NREP: variants seen among roughly 807,000 people sequenced by gnomAD.
NREP encodes the protein neuronal regeneration related protein.
In NREP, 5 loss-of-function variants were observed where a neutral mutation model predicts 8.6. The ratio of observed to expected loss-of-function variants is 0.58; its 90% CI spans 0.30 to 1.22. The LOEUF (loss-of-function observed/expected upper bound fraction) is 1.22, where lower values mean the gene tolerates loss of function less well. NREP is among the 50% of genes most tolerant of loss of function. The pLI, the probability that NREP is intolerant of heterozygous loss-of-function variation, is 0.07. For synonymous variants in NREP, 27 were observed against 28.0 expected, an observed-to-expected ratio of 0.96 and a Z score of 0.11; for missense variants, 86 against 82.5, an observed-to-expected ratio of 1.04 and a Z score of -0.17.
chr5:111,936,753 A>G (rs1324071384), intron 2 of NREP, among the ~76,000 whole-genome samples: 3 of 152,076 alleles, frequency 2.0e-5, no homozygotes, highest in Non-Finnish European at 4.4e-5. Context: ...AAACTTGACA[A>G]TTTCTTTTTA....
At chr5:111,821,591 A>T (rs1410984677) in intron 2 of NREP, among the ~76,000 whole-genome samples, 1 of 152,218 alleles carries the variant, frequency 6.6e-6, no homozygotes, top group Non-Finnish European at 1.5e-5. Flanking sequence ...TTCTTGACCA[A>T]AAAAATGCAG....
chr5:111,887,347 A>G (rs1403767081), intron 2 of NREP, among the ~76,000 whole-genome samples: 3 of 152,210 alleles, frequency 2.0e-5, no homozygotes, highest in Non-Finnish European at 4.4e-5. Context: ...GAGGTTGGGT[A>G]AGCGTATTTC....
intron 2 of NREP, among the ~76,000 whole-genome samples, chr5:111,819,128 A>G (rs1752459131): frequency 6.6e-6 from 1 of 152,138 alleles, no homozygotes; most frequent in Non-Finnish European, 1.5e-5. Flanking sequence ...TCAGTAAACA[A>G]CTTTCCCACC....
chr5:111,957,310 T>A (rs1381401983), intron 2 of NREP, among the ~76,000 whole-genome samples: 1 of 151,928 alleles, frequency 6.6e-6, no homozygotes, highest in Non-Finnish European at 1.5e-5. Context: ...AAATGGGAAA[T>A]TTTCTGGAAA....
At chr5:111,884,177 C>T (rs887097775) in intron 2 of NREP, among the ~76,000 whole-genome samples, 2 of 151,668 alleles carry the variant, frequency 1.3e-5, no homozygotes, top group African/African-American at 4.8e-5. Context: ...AAACTACCAT[C>T]AGAGAATACT....
At chr5:111,815,984 T>C (rs1056219434) in intron 2 of NREP, among the ~76,000 whole-genome samples, 5 of 152,106 alleles carry the variant, frequency 3.3e-5, no homozygotes, top group Non-Finnish European at 2.9e-5. Context: ...AAAAGACATA[T>C]GGCTTTCAAA....
At chr5:111,875,437 A>C (rs1753881365) in intron 2 of NREP, among the ~76,000 whole-genome samples, 1 of 152,108 alleles carries the variant, frequency 6.6e-6, no homozygotes, top group Admixed American at 6.6e-5. Context: ...AATAAAATAA[A>C]ATTTGGATAA....
chr5:111,886,005 CA>C (rs1182752720), intron 2 of NREP, among the ~76,000 whole-genome samples: 1 of 152,148 alleles, frequency 6.6e-6, no homozygotes, highest in Non-Finnish European at 1.5e-5. Context: ...TTCTGCACAG[CA>C]AAAGAAACTA....
intron 2 of NREP, among the ~76,000 whole-genome samples, chr5:111,952,639 T>A: frequency 6.6e-6 from 1 of 152,198 alleles, no homozygotes; most frequent in Non-Finnish European, 1.5e-5. Context: ...ACCCAGAGCA[T>A]TGAAATCGCA....
At chr5:111,816,409 T>C (rs1752386728) in intron 2 of NREP, among the ~76,000 whole-genome samples, 1 of 152,120 alleles carries the variant, frequency 6.6e-6, no homozygotes, top group Non-Finnish European at 1.5e-5. Flanking sequence ...TTGTGAGGTT[T>C]AAAACATATA....
upstream of NREP, among the ~76,000 whole-genome samples, chr5:111,759,783 G>C (rs753319680): frequency 2.0e-5 from 3 of 152,156 alleles, no homozygotes; most frequent in Non-Finnish European, 4.4e-5. Flanking sequence ...AGCTATAGCT[G>C]TCTCACAGTC....
chr5:111,965,085 G>A (rs1373459346), intron 2 of NREP, among the ~76,000 whole-genome samples: 1 of 151,714 alleles, frequency 6.6e-6, no homozygotes, highest in Non-Finnish European at 1.5e-5. Flanking sequence ...TTGCTCTCAG[G>A]CCAGGCCCCT....
intron 2 of NREP, among the ~76,000 whole-genome samples, chr5:111,937,635 C>G (rs1405262043): frequency 6.6e-6 from 1 of 152,022 alleles, no homozygotes. Flanking sequence ...AAAATAGAAC[C>G]TTCAGGTAGA....
At chr5:111,752,346 T>G (rs1468170473) in intron 2 of NREP, among the ~76,000 whole-genome samples, 1 of 152,140 alleles carries the variant, frequency 6.6e-6, no homozygotes, top group Non-Finnish European at 1.5e-5. Context: ...CCTCAAACGA[T>G]TCCCAATTCT....
intron 2 of NREP, among the ~76,000 whole-genome samples, chr5:111,951,828 T>C (rs1756167835): frequency 2.0e-5 from 3 of 152,090 alleles, no homozygotes; most frequent in Admixed American, 1.3e-4. Flanking sequence ...GTTGTTATAA[T>C]GGTTTATATC....
intron 2 of NREP, among the ~76,000 whole-genome samples, chr5:111,847,856 A>T (rs1299709127): frequency 6.6e-6 from 1 of 152,214 alleles, no homozygotes; most frequent in Admixed American, 6.5e-5. Flanking sequence ...AGCCAAAACC[A>T]CTGGTTGTAT....
At chr5:111,865,265 G>C (rs138558393) in intron 2 of NREP, among the ~76,000 whole-genome samples, 1 of 152,148 alleles carries the variant, frequency 6.6e-6, no homozygotes, top group Non-Finnish European at 1.5e-5. Flanking sequence ...TTTCTAAAGT[G>C]TATCAGTGGT....
chr5:111,866,944 A>G (rs1288434826), intron 2 of NREP, among the ~76,000 whole-genome samples: 2 of 151,088 alleles, frequency 1.3e-5, no homozygotes, highest in Admixed American at 6.6e-5. Context: ...GAATTGAACA[A>G]TGAGAACACA....
At chr5:111,858,234 C>G (rs534351469) in intron 2 of NREP, among the ~76,000 whole-genome samples, 2 of 152,254 alleles carry the variant, frequency 1.3e-5, no homozygotes, top group East Asian at 3.9e-4. Context: ...CTGATGCACA[C>G]TCGTTTAAGA....
Sources: allele counts gnomAD v4.1 joint callset (sites outside exome capture counted in the v4.1 genomes callset), GRCh38; gene constraint gnomAD v4.1.1; transcripts MANE v1.5; gene names NCBI Gene and HGNC (gene_info 2026-07-23, HGNC 2026-07-21).